Variants in PRKCH observed in about 807,000 individuals in gnomAD.
PRKCH encodes the protein protein kinase C eta.
Under a neutral mutation model 82.5 loss-of-function variants are expected in PRKCH, and 28 were observed. The ratio of observed to expected loss-of-function variants is 0.34; its 90% CI spans 0.25 to 0.47. The LOEUF (loss-of-function observed/expected upper bound fraction) is 0.47. Among genes scored for constraint, PRKCH ranks in the 20% least tolerant of loss-of-function variants. The pLI is 1.00. For synonymous variants in PRKCH, 322 were observed against 327.4 expected (o/e 0.98, Z 0.18); for missense variants, 705 against 881.8 (o/e 0.80, Z 2.54).
intron 1 of PRKCH, among the ~76,000 whole-genome samples, chr14:61,234,737 G>A (rs1320867159): frequency 1.3e-5 from 2 of 152,154 alleles, no homozygotes; most frequent in Non-Finnish European, 2.9e-5. Context: ...AGCACTCTGA[G>A]CATTTGCATC....
Position 61,328,925 on chromosome 14 carries a change from G to T in PRKCH, c.363+6461G>T, listed in dbSNP as rs1594917380. 4.6e-5 allele frequency among the ~76,000 whole-genome samples: 7 copies of T among 151,702 alleles called. No individual in the cohort carries two copies. In the South Asian group the frequency reaches 1.5e-3, roughly 32 times the overall value. The stretch of plus-strand genomic sequence containing the variant: ...CACTTGAGCCTGGGAGGTTGAGGCT[G>T]CAGTGAGCCATGATCATGTCACTGT... On this transcript the variant is annotated intron_variant, in intron 1 of 13. Coordinates refer to ENST00000332981, the MANE Select transcript of PRKCH (RefSeq NM_006255.5).
At chr14:61,497,152 C>T (rs184661365) in intron 10 of PRKCH, among the ~76,000 whole-genome samples, 16 of 152,250 alleles carry the variant, frequency 1.1e-4, no homozygotes, top group African/African-American at 3.4e-4. Flanking sequence ...CACAAATTAA[C>T]GACTTTTAGA....
At chr14:61,338,459 G>A (rs1033108865) in intron 1 of PRKCH, among the ~76,000 whole-genome samples, 7 of 152,096 alleles carry the variant, frequency 4.6e-5, no homozygotes, top group Admixed American at 2.0e-4. Context: ...ACTTAAATAA[G>A]TATTAAAGGT....
At chr14:61,472,398 T>A (rs925725287) in intron 9 of PRKCH, among the ~76,000 whole-genome samples, 1 of 152,248 alleles carries the variant, frequency 6.6e-6, no homozygotes, top group African/African-American at 2.4e-5. Flanking sequence ...TGAGTCAGAT[T>A]CCCATCCTGT....
At chr14:61,538,613 A>G (rs1321106270) in intron 12 of PRKCH, among the ~76,000 whole-genome samples, 1 of 152,234 alleles carries the variant, frequency 6.6e-6, no homozygotes, top group Non-Finnish European at 1.5e-5. Flanking sequence ...TGCCAGGAAG[A>G]TAAAGATGTC....
At chr14:61,239,109 G>A (rs6573376) in intron 1 of PRKCH, among the ~76,000 whole-genome samples, 142,120 of 152,220 alleles carry the variant, frequency 0.93, 66,971 homozygotes, top group Non-Finnish European at 0.99. Context: ...CAGGCTCGCT[G>A]TTCCCTCAGG....
chr14:61,423,600 G>A (rs1354971988), intron 2 of PRKCH, among the ~76,000 whole-genome samples: 2 of 152,166 alleles, frequency 1.3e-5, no homozygotes, highest in Non-Finnish European at 2.9e-5. Flanking sequence ...GACATGAGTG[G>A]AATCCTGGCA....
intron 9 of PRKCH, among the ~76,000 whole-genome samples, chr14:61,482,147 A>G (rs904805563): frequency 1.3e-5 from 2 of 151,194 alleles, no homozygotes; most frequent in South Asian, 4.2e-4. Context: ...GGTGCATGCC[A>G]CCATGCCCAG....
chr14:61,390,575 G>A (rs927323389), intron 1 of PRKCH: 9 of 152,414 alleles, frequency 5.9e-5, no homozygotes, highest in African/African-American at 2.2e-4. Flanking sequence ...AGGAGACTGA[G>A]GCAGAATTGC....
chr14:61,428,572 C>A (rs1251446420), intron 2 of PRKCH, among the ~76,000 whole-genome samples: 2 of 152,138 alleles, frequency 1.3e-5, no homozygotes, highest in African/African-American at 4.8e-5. Context: ...CCAGTCTCTA[C>A]CAGATGCTGA....
intron 2 of PRKCH, 38 bp from the exon 3 acceptor site, chr14:61,443,073 T>C (rs1254059613): frequency 6.3e-7 from 1 of 1,590,866 alleles, no homozygotes; most frequent in South Asian, 1.1e-5. Flanking sequence ...TTAGGTTCCT[T>C]ACATCTTATT....
chr14:61,265,915 C>G (rs1243978939), intron 1 of PRKCH, among the ~76,000 whole-genome samples: 1 of 152,016 alleles, frequency 6.6e-6, no homozygotes, highest in Non-Finnish European at 1.5e-5. Flanking sequence ...GCCAACATAG[C>G]AAAACCCCAT....
rs1317963507 is a variant in PRKCH at position 61,267,603 on chromosome 14, T to C, written c.-19+79935T>C. Among the ~76,000 whole-genome samples, 3 of 152,344 alleles carry C rather than the reference T, an allele frequency of 2.0e-5. No homozygotes were observed. In the East Asian group the frequency reaches 5.8e-4, roughly 29 times the overall value. ...CATCCGGCACACTGTTTTATTCTTT[T>C]AGTATTCGTTTACATCAGAGGAGTG... is the stretch of plus-strand genomic sequence containing the variant. On this transcript the variant is annotated intron_variant, in intron 1 of 3. Transcript: ENST00000555185.
At chr14:61,467,549 C>G (rs1227119997) in intron 9 of PRKCH, among the ~76,000 whole-genome samples, 1 of 152,232 alleles carries the variant, frequency 6.6e-6, no homozygotes, top group Non-Finnish European at 1.5e-5. Context: ...GTTGCTGTGA[C>G]ACCCAGCGCA....
At chr14:61,472,556 C>A (rs898304909) in intron 9 of PRKCH, among the ~76,000 whole-genome samples, 12 of 152,094 alleles carry the variant, frequency 7.9e-5, no homozygotes, top group Non-Finnish European at 1.8e-4. Context: ...GTTTCCCATA[C>A]ATGGAAATGC....
chr14:61,288,511 A>G (rs1320816714), intron 1 of PRKCH, among the ~76,000 whole-genome samples: 1 of 152,256 alleles, frequency 6.6e-6, no homozygotes, highest in Admixed American at 6.5e-5. Flanking sequence ...ACTTGTTAAT[A>G]TTCAATCTGG....
upstream of PRKCH, among the ~76,000 whole-genome samples, chr14:61,321,459 G>A (rs2045620254): frequency 6.6e-6 from 1 of 152,204 alleles, no homozygotes; most frequent in Non-Finnish European, 1.5e-5. This position sits in a 1 kb window ranked among gnomAD's most constrained non-coding sequence, Gnocchi z 4.1. Context: ...GCAGGGCGGC[G>A]CAAGCGGGCA....
intron 1 of PRKCH, among the ~76,000 whole-genome samples, chr14:61,210,823 C>T (rs561759528): frequency 2.6e-5 from 4 of 151,126 alleles, no homozygotes; most frequent in South Asian, 4.2e-4. Context: ...TGCGTGCACG[C>T]GTGCATTCCA....
intron 1 of PRKCH, among the ~76,000 whole-genome samples, chr14:61,360,028 A>G (rs2046202280): frequency 6.6e-6 from 1 of 152,242 alleles, no homozygotes; most frequent in African/African-American, 2.4e-5. Context: ...ACCATTTTAT[A>G]TAGCGTATGT....
Sources: gnomAD v4.1 joint callset for allele counts (sites outside exome capture counted in the v4.1 genomes callset) on GRCh38, gnomAD v4.1.1 for gene constraint, Gnocchi (gnomAD v3.1) non-coding constraint, MANE v1.5 for transcripts, NCBI Gene and HGNC (gene_info 2026-07-23, HGNC 2026-07-21) for gene names.